The following PCNX2 variants were observed in gnomAD, a reference collection of about 807,000 sequenced individuals.
PCNX2 encodes the protein pecanex-like protein 2.
Under a neutral mutation model 223.8 loss-of-function variants are expected in PCNX2, and 168 were observed. The ratio of observed to expected loss-of-function variants is 0.75; its 90% confidence interval spans 0.66 to 0.85. PCNX2 has a LOEUF of 0.85. PCNX2 is among the 40% of genes least tolerant of loss of function. PCNX2 has a pLI of 0.00. For synonymous variants in PCNX2, 1,006 were observed against 1,052.6 expected (o/e 0.96, Z 0.86); for missense variants, 2,507 against 2,675.5 (o/e 0.94, Z 1.39).
intron 1 of PCNX2, among the ~76,000 whole-genome samples, chr1:233,284,317 A>G (rs974143357): frequency 1.3e-5 from 2 of 152,134 alleles, no homozygotes; most frequent in African/African-American, 4.8e-5. Context: ...TGTCTCCCAT[A>G]TATTCTTAAA....
chr1:233,064,532 T>C (rs1000364647), intron 23 of PCNX2, among the ~76,000 whole-genome samples: 1 of 152,190 alleles, frequency 6.6e-6, no homozygotes. Context: ...TTTCTGCTTC[T>C]GTAGGACTAA....
At chr1:233,098,794 C>A (rs1674321554) in intron 21 of PCNX2, among the ~76,000 whole-genome samples, 1 of 152,154 alleles carries the variant, frequency 6.6e-6, no homozygotes, top group South Asian at 2.1e-4. Flanking sequence ...GAGTTTGAAT[C>A]CCACCTCTAC....
At chr1:233,204,350 C>T (rs557395086) in intron 13 of PCNX2, among the ~76,000 whole-genome samples, 1 of 152,186 alleles carries the variant, frequency 6.6e-6, no homozygotes, top group African/African-American at 2.4e-5. Flanking sequence ...AACTGCAAGA[C>T]AATAATCTTC....
intron 8 of PCNX2, chr1:233,241,270 C>A: frequency 1.0e-6 from 1 of 985,416 alleles, no homozygotes; most frequent in Non-Finnish European, 1.2e-6. Flanking sequence ...TGACTGCCAT[C>A]ATGTGGCAGC....
rs1659561987 is a variant in PCNX2 at position 233,253,322 on chromosome 1, G to A, written c.1835-534C>T. 6.6e-6 allele frequency among the ~76,000 whole-genome samples: 1 copy of A among 152,102 alleles called. No homozygotes were observed. Among genetic ancestry groups the A allele is most frequent in the Non-Finnish European group, 1.5e-5 (1 of 68,014 alleles). On this transcript the variant is annotated intron_variant, in intron 5 of 33. Coordinates refer to ENST00000258229, the MANE Select transcript of PCNX2 (RefSeq NM_014801.4). The surrounding 1 kb of genome is among the most constrained non-coding windows in gnomAD (Gnocchi z 4.2). Reference sequence around the variant, plus strand: ...ACTTGTTAAGTATAGCTGGGGGCGGGGGTTGTTTTTGTTTGTTTGTTTGTT... The same window carrying A: ...ACTTGTTAAGTATAGCTGGGGGCGGAGGTTGTTTTTGTTTGTTTGTTTGTT...
In PCNX2 at chr1:233,079,011, T is replaced by C. The variant is rs1214852080; in HGVS notation, c.4076+11050A>G. On this transcript the variant is annotated intron_variant, in intron 23 of 33. Coordinates refer to ENST00000258229, the MANE Select transcript of PCNX2 (RefSeq NM_014801.4). The stretch of plus-strand genomic sequence containing the variant: ...AGTAACAGCATTCAGACACAAATTC[T>C]AGGTGAGGAAATCTGAGGCAGAGAA... Among the ~76,000 whole-genome samples the C allele has an allele frequency of 2.6e-5, 4 of 152,248 alleles. No individual in the cohort carries two copies. In the East Asian group the frequency reaches 7.7e-4, roughly 29 times the overall value.
intron 25 of PCNX2, among the ~76,000 whole-genome samples, chr1:233,040,730 A>C (rs1671614801): frequency 6.6e-6 from 1 of 152,134 alleles, no homozygotes; most frequent in African/African-American, 2.4e-5. Flanking sequence ...CAATATACAT[A>C]GAGATGCTCT....
chr1:233,032,392 C>T lies in PCNX2; in HGVS notation c.4352-6993G>A, dbSNP rs180973289. Reference sequence around the variant, plus strand: ...TGCTGGGATTACAGGTGTGAGCCACCGCACCCAGCCGACAGTTTTCAGAAA... The same window carrying T: ...TGCTGGGATTACAGGTGTGAGCCACTGCACCCAGCCGACAGTTTTCAGAAA... On this transcript the variant is annotated intron_variant, in intron 25 of 33. Coordinates refer to ENST00000258229, the MANE Select transcript of PCNX2 (RefSeq NM_014801.4). Among the ~76,000 whole-genome samples, 331 of 152,122 alleles carry T rather than the reference C, an allele frequency of 2.2e-3. 1 individual carries two copies. Among genetic ancestry groups the T allele is most frequent in the Non-Finnish European group, 3.8e-3 (261 of 67,982 alleles).
chr1:233,161,039 G>C (rs531181303), intron 18 of PCNX2, among the ~76,000 whole-genome samples: 2 of 152,274 alleles, frequency 1.3e-5, no homozygotes, highest in African/African-American at 4.8e-5. Context: ...CAGCTCCCCA[G>C]ATGCAGGAAA....
the PCNX2 span, among the ~76,000 whole-genome samples, chr1:233,307,364 G>C: frequency 1.3e-5 from 2 of 152,002 alleles, no homozygotes; most frequent in East Asian, 3.9e-4. Context: ...ATTGATTGTT[G>C]AAAATAACCT....
Position 233,206,020 on chromosome 1 carries a change from GC to G in PCNX2, c.2863+2497del, listed in dbSNP as rs1476972261. On this transcript the variant is annotated intron_variant, in intron 13 of 33. Coordinates refer to ENST00000258229, the MANE Select transcript of PCNX2 (RefSeq NM_014801.4). ...GCCAGCATAATGAAGGACGGGGGAG[GC>G]CGCAGAACAGCTTCCAAGTGGAAGG... Among the ~76,000 whole-genome samples the G allele has an allele frequency of 2.0e-5, 3 of 152,130 alleles. No homozygotes were observed. The East Asian group carries it at 5.8e-4, about 29-fold the overall frequency.
intron 9 of PCNX2, among the ~76,000 whole-genome samples, chr1:233,233,368 T>C (rs547795762): frequency 6.6e-6 from 1 of 152,236 alleles, no homozygotes; most frequent in Admixed American, 6.5e-5. Flanking sequence ...CCCTTCCCTT[T>C]GTGCTTGAGA....
chr1:233,093,047 C>T (rs551373545), intron 22 of PCNX2, among the ~76,000 whole-genome samples: 1 of 152,282 alleles, frequency 6.6e-6, no homozygotes, highest in South Asian at 2.1e-4. Context: ...GATCTGCCCT[C>T]CTTGGCCTCC....
intron 19 of PCNX2, among the ~76,000 whole-genome samples, chr1:233,141,395 G>A (rs1031990494): frequency 4.6e-5 from 7 of 152,172 alleles, no homozygotes; most frequent in African/African-American, 1.7e-4. Flanking sequence ...GACCGGGTGC[G>A]GTGGCTCATG....
the PCNX2 span, among the ~76,000 whole-genome samples, chr1:233,303,627 T>C: frequency 1.4e-5 from 2 of 146,636 alleles, no homozygotes; most frequent in South Asian, 4.5e-4. Context: ...TTTATAATCA[T>C]GCAGAATATC....
intron 21 of PCNX2, among the ~76,000 whole-genome samples, chr1:233,118,013 A>G (rs899453242): frequency 2.6e-5 from 4 of 152,006 alleles, no homozygotes; most frequent in Non-Finnish European, 5.9e-5. Context: ...CCGTCTCAAA[A>G]AAAAAAAAAA....
rs1662010806 is a variant in PCNX2, at chr1:233,295,253, G to A, written c.153+73C>T. The A allele has an allele frequency of 1.9e-6, 3 of 1,542,840 alleles. No individual in the cohort carries two copies. The highest frequency in any genetic ancestry group is 3.9e-5 in the Admixed American group (2 of 50,948). On this transcript the variant is annotated intron_variant, in intron 1 of 33. Transcript: ENST00000258229. This position sits in a 1 kb window ranked among gnomAD's most constrained non-coding sequence, Gnocchi z 4.1. The stretch of plus-strand genomic sequence containing the variant: ...AACCCGAAAGCCCGTGAGGCTGATG[G>A]CACGTCTGTGGTTCCTTTCTCCTTC...
At chr1:233,221,559 C>G (rs957422672) in intron 10 of PCNX2, among the ~76,000 whole-genome samples, 1 of 152,046 alleles carries the variant, frequency 6.6e-6, no homozygotes, top group Non-Finnish European at 1.5e-5. Flanking sequence ...AGTTTACTTG[C>G]CAGGCAAAGA....
chr1:233,236,837 G>A lies in PCNX2; in HGVS notation c.2358+8C>T. On this transcript the variant is annotated splice_region_variant and intron_variant, in intron 9 of 33. Coordinates refer to ENST00000258229, the MANE Select transcript of PCNX2 (RefSeq NM_014801.4). ...CATCCACAAACAGCAATTCTGGAATGTACGTACCCGTGGGGTTTCCGACTG... is the reference window on the plus strand; with the variant it reads ...CATCCACAAACAGCAATTCTGGAATATACGTACCCGTGGGGTTTCCGACTG... 1 of 1,613,262 alleles carries A rather than the reference G, an allele frequency of 6.2e-7. No homozygotes were observed. Among genetic ancestry groups the A allele is most frequent in the Non-Finnish European group, 8.5e-7 (1 of 1,179,754 alleles).
Sources: allele counts gnomAD v4.1 joint callset (sites outside exome capture counted in the v4.1 genomes callset), GRCh38; gene constraint gnomAD v4.1.1; non-coding constraint Gnocchi (gnomAD v3.1); transcripts MANE v1.5; gene names NCBI Gene and HGNC (gene_info 2026-07-23, HGNC 2026-07-21).